The following NRG1 variants were observed in gnomAD, a reference collection of about 807,000 sequenced individuals.
NRG1 encodes the protein neuregulin 1, also known as pro-neuregulin-1, membrane-bound isoform.
Under a neutral mutation model 63.8 loss-of-function variants are expected in NRG1, and 18 were observed. The observed-to-expected ratio is 0.28, with a 90% CI of 0.19 to 0.42. The LOEUF is 0.42. Among genes scored for constraint, NRG1 ranks in the 10% least tolerant of loss-of-function variants. The pLI, the probability that NRG1 is intolerant of heterozygous loss-of-function variation, is 1.00. For missense variants in NRG1, 762 were observed against 814.7 expected (o/e 0.94, Z 0.79); for synonymous variants, 302 against 301.3 (o/e 1.00, Z -0.02).
intron 1 of NRG1, among the ~76,000 whole-genome samples, chr8:32,076,076 G>A (rs1310757915): frequency 2.0e-5 from 3 of 152,180 alleles, no homozygotes; most frequent in African/African-American, 7.2e-5. Flanking sequence ...TATTGTTATT[G>A]TCATGTCTTT....
chr8:32,755,752 T>TC (rs1403981266), intron 8 of NRG1, among the ~76,000 whole-genome samples: 4 of 151,732 alleles, frequency 2.6e-5, no homozygotes, highest in Non-Finnish European at 5.9e-5. Flanking sequence ...ACAGCACATT[T>TC]TTTTTTTTTA....
At chr8:32,643,300 T>C (rs769865013) in intron 5 of NRG1, among the ~76,000 whole-genome samples, 1 of 152,142 alleles carries the variant, frequency 6.6e-6, no homozygotes, top group Non-Finnish European at 1.5e-5. Flanking sequence ...GCTTAACCAA[T>C]AGGATGCAGT....
At chr8:32,674,995 C>A (rs1806680262) in intron 5 of NRG1, among the ~76,000 whole-genome samples, 1 of 152,118 alleles carries the variant, frequency 6.6e-6, no homozygotes. Flanking sequence ...TGGGATACCA[C>A]TGCAAAAAAG....
chr8:32,015,739 AT>A (rs1384364226), intron 1 of NRG1, among the ~76,000 whole-genome samples: 1 of 152,032 alleles, frequency 6.6e-6, no homozygotes, highest in Non-Finnish European at 1.5e-5. Context: ...TCCTGACTCT[AT>A]CTGATCTAGT....
chr8:32,380,431 A>G (rs1224538487), intron 1 of NRG1, among the ~76,000 whole-genome samples: 1 of 152,064 alleles, frequency 6.6e-6, no homozygotes, highest in African/African-American at 2.4e-5. Context: ...TGTGTGAGCC[A>G]TGTATCTATG....
intron 1 of NRG1, among the ~76,000 whole-genome samples, chr8:32,515,893 C>G (rs1355039476): frequency 6.6e-6 from 1 of 152,042 alleles, no homozygotes; most frequent in Non-Finnish European, 1.5e-5. Context: ...TGTTTCTTTT[C>G]CTGTGCAGAA....
chr8:32,110,973 G>A (rs549873771), intron 1 of NRG1, among the ~76,000 whole-genome samples: 1 of 152,266 alleles, frequency 6.6e-6, no homozygotes, highest in African/African-American at 2.4e-5. Context: ...AAACTTTCGA[G>A]TAAGCAACGT....
chr8:31,907,213 A>T (rs1488412946), intron 1 of NRG1, among the ~76,000 whole-genome samples: 1 of 125,590 alleles, frequency 8.0e-6, no homozygotes, highest in Admixed American at 8.5e-5. Flanking sequence ...GAATATGATG[A>T]ACTCCTGATG....
At chr8:32,412,399 C>CCTCTCT (rs36067415) in intron 1 of NRG1, among the ~76,000 whole-genome samples, 9 of 93,034 alleles carry the variant, frequency 9.7e-5, no homozygotes, top group South Asian at 3.7e-4. Flanking sequence ...CTCTCTCTCT[C>CCTCTCT]CTCTCTCTCT....
At chr8:32,178,553 T>A (rs1029195304) in intron 1 of NRG1, among the ~76,000 whole-genome samples, 18 of 152,176 alleles carry the variant, frequency 1.2e-4, no homozygotes, top group Middle Eastern at 3.2e-3. Context: ...GAGGTTGCAG[T>A]GAGCCAAGAT....
intron 1 of NRG1, among the ~76,000 whole-genome samples, chr8:31,785,761 G>A (rs576428944): frequency 3.9e-4 from 60 of 152,008 alleles, no homozygotes; most frequent in Admixed American, 2.2e-3. Context: ...AAATTCAGTT[G>A]TGTGTAGTTA....
At chr8:32,287,784 C>T (rs139956466) in intron 1 of NRG1, among the ~76,000 whole-genome samples, 1,861 of 152,234 alleles carry the variant, frequency 0.012, 30 homozygotes, top group South Asian at 0.04. Context: ...CTTTCAATGT[C>T]GAGAGTAACA....
chr8:32,087,635 T>C (rs1312666802), intron 1 of NRG1, among the ~76,000 whole-genome samples: 1 of 151,986 alleles, frequency 6.6e-6, no homozygotes, highest in Non-Finnish European at 1.5e-5. Flanking sequence ...CACGCCCAGC[T>C]AATTTTTGTA....
intron 1 of NRG1, among the ~76,000 whole-genome samples, chr8:31,772,356 T>A (rs574814416): frequency 8.5e-5 from 13 of 152,198 alleles, no homozygotes; most frequent in East Asian, 5.8e-4. Context: ...TCACCAAGAC[T>A]CTCTACACAG....
intron 1 of NRG1, among the ~76,000 whole-genome samples, chr8:32,549,096 GCTCCCTGGCACGGCCC>G (rs1344700974): frequency 1.3e-5 from 2 of 152,218 alleles, no homozygotes; most frequent in Non-Finnish European, 2.9e-5. Flanking sequence ...GGAGCGCTTC[GCTCCCTGGCACGGCCC>G]CTCCCCAGCG....
intron 1 of NRG1, among the ~76,000 whole-genome samples, chr8:32,180,774 C>T (rs1186202280): frequency 6.6e-6 from 1 of 152,038 alleles, no homozygotes; most frequent in Non-Finnish European, 1.5e-5. Context: ...GCTTAAAATT[C>T]ACTCTCCTAG....
At chr8:32,436,956 C>A (rs1334174212) in intron 1 of NRG1, among the ~76,000 whole-genome samples, 1 of 151,984 alleles carries the variant, frequency 6.6e-6, no homozygotes, top group Non-Finnish European at 1.5e-5. Context: ...ATACTCAGCA[C>A]CAATCCCCAT....
At chr8:32,124,040 G>A (rs541987241) in intron 1 of NRG1, among the ~76,000 whole-genome samples, 7 of 151,632 alleles carry the variant, frequency 4.6e-5, no homozygotes, top group East Asian at 1.9e-4. Flanking sequence ...ATTTAAATTC[G>A]TTTTCTCTCT....
intron 1 of NRG1, among the ~76,000 whole-genome samples, chr8:32,458,600 G>C (rs1821909768): frequency 6.6e-6 from 1 of 152,036 alleles, no homozygotes; most frequent in Non-Finnish European, 1.5e-5. Context: ...ATTTTGACAT[G>C]ATATTTTCAT....
Sources: allele counts gnomAD v4.1 joint callset (sites outside exome capture counted in the v4.1 genomes callset), GRCh38; gene constraint gnomAD v4.1.1; transcripts MANE v1.5; gene names NCBI Gene and HGNC (gene_info 2026-07-23, HGNC 2026-07-21).